Variants in NTN1 observed in about 807,000 individuals in gnomAD.
NTN1 encodes the protein netrin-1.
In NTN1, 11 loss-of-function variants were observed where a neutral mutation model predicts 54.2. That is an observed-to-expected ratio of 0.20 (90% CI 0.13 to 0.34). The LOEUF (loss-of-function observed/expected upper bound fraction) is 0.34. NTN1 is among the 10% of genes least tolerant of loss of function. The pLI is 1.00. For synonymous variants in NTN1, 371 were observed against 382.0 expected (o/e 0.97, Z 0.33); for missense variants, 740 against 893.1 (o/e 0.83, Z 2.18).
At chr17:9,109,981 T>C (rs2092184545) in intron 2 of NTN1, among the ~76,000 whole-genome samples, 1 of 152,222 alleles carries the variant, frequency 6.6e-6, no homozygotes. Flanking sequence ...TCTTATTTAT[T>C]TGTTGGAGTT....
rs140773539 is a variant in NTN1 at position 9,102,511 on chromosome 17, G to A, written c.1019-60302G>A. ...ATCCCCATAACACATGGGGATTATG[G>A]GAACGACAATTCAAGATGAGATTTG... On this transcript the variant is annotated intron_variant, in intron 2 of 6. Coordinates refer to ENST00000173229, the MANE Select transcript of NTN1 (RefSeq NM_004822.3). Among the ~76,000 whole-genome samples, 809 of 152,240 alleles carry A rather than the reference G, an allele frequency of 5.3e-3. 2 individuals are homozygous for A. Among genetic ancestry groups the A allele is most frequent in the Middle Eastern group, 0.01 (3 of 294 alleles).
chr17:9,037,138 A>T (rs1439864414), intron 2 of NTN1, among the ~76,000 whole-genome samples: 1 of 152,222 alleles, frequency 6.6e-6, no homozygotes, highest in African/African-American at 2.4e-5. Flanking sequence ...CCCCAGGGTA[A>T]CCACCATTTT....
intron 4 of NTN1, 101 bp from the exon 5 acceptor site, chr17:9,182,815 G>A (rs937156602): frequency 4.1e-5 from 49 of 1,183,376 alleles, no homozygotes; most frequent in Non-Finnish European, 5.9e-5. Flanking sequence ...GTCCCAGGAA[G>A]TTGGGAGGAG....
the NTN1 span, among the ~76,000 whole-genome samples, chr17:9,015,950 T>C: frequency 6.6e-6 from 1 of 151,840 alleles, no homozygotes; most frequent in Non-Finnish European, 1.5e-5. Flanking sequence ...GGTGGGCGCC[T>C]GTAATCCCAG....
intron 2 of NTN1, among the ~76,000 whole-genome samples, chr17:9,032,987 T>C (rs150719094): frequency 7.0e-6 from 1 of 142,578 alleles, no homozygotes; most frequent in Non-Finnish European, 1.5e-5. Context: ...AGAATCTCAC[T>C]CTGTCATCGA....
intron 2 of NTN1, among the ~76,000 whole-genome samples, chr17:9,063,944 A>C (rs528425343): frequency 1.3e-5 from 2 of 152,078 alleles, no homozygotes; most frequent in Admixed American, 6.6e-5. Flanking sequence ...GCTTTTCCTT[A>C]CTGGGTTTTC....
chr17:9,015,609 A>C, the NTN1 span, among the ~76,000 whole-genome samples: 1 of 151,378 alleles, frequency 6.6e-6, no homozygotes, highest in Non-Finnish European at 1.5e-5. Context: ...CGTCCTCCTC[A>C]CTGATTGCTC....
At chr17:9,167,071 C>T (rs1383340634) in intron 3 of NTN1, among the ~76,000 whole-genome samples, 2 of 152,182 alleles carry the variant, frequency 1.3e-5, no homozygotes, top group Non-Finnish European at 2.9e-5. Flanking sequence ...GTACAAAGGA[C>T]TGTAATAAAC....
At chr17:9,213,577 CTG>C (rs1426670527) in intron 5 of NTN1, among the ~76,000 whole-genome samples, 1 of 152,168 alleles carries the variant, frequency 6.6e-6, no homozygotes, top group African/African-American at 2.4e-5. Flanking sequence ...CCCATATAGT[CTG>C]TGTGTATATA....
chr17:9,116,329 G>A (rs933582400), intron 2 of NTN1, among the ~76,000 whole-genome samples: 1 of 124,166 alleles, frequency 8.1e-6, no homozygotes, highest in African/African-American at 3.0e-5. Flanking sequence ...CCAGCTTGCT[G>A]TGTGGCCTTC....
At chr17:9,112,957 G>A (rs1041001217) in intron 2 of NTN1, among the ~76,000 whole-genome samples, 3 of 152,018 alleles carry the variant, frequency 2.0e-5, no homozygotes, top group Non-Finnish European at 4.4e-5. Context: ...CAGGTAAGAA[G>A]TTGTATTGCT....
At chr17:9,214,994 T>C (rs183375769) in intron 5 of NTN1, among the ~76,000 whole-genome samples, 5 of 152,300 alleles carry the variant, frequency 3.3e-5, no homozygotes, top group Non-Finnish European at 7.3e-5. Context: ...ATTTTTTCTG[T>C]TTTATCTTTT....
chr17:9,129,471 G>T (rs1258198162), intron 2 of NTN1, among the ~76,000 whole-genome samples: 1 of 152,166 alleles, frequency 6.6e-6, no homozygotes, highest in Non-Finnish European at 1.5e-5. Flanking sequence ...TCTTGGGGAG[G>T]AGATGGTCCT....
At chr17:9,109,124 C>G (rs1464380771) in intron 2 of NTN1, among the ~76,000 whole-genome samples, 1 of 152,186 alleles carries the variant, frequency 6.6e-6, no homozygotes, top group Non-Finnish European at 1.5e-5. Flanking sequence ...ATCCTCCCAA[C>G]TTGGCCTCCC....
At chr17:9,080,810 G>A (rs1261278615) in intron 2 of NTN1, among the ~76,000 whole-genome samples, 1 of 152,244 alleles carries the variant, frequency 6.6e-6, no homozygotes, top group Non-Finnish European at 1.5e-5. Context: ...CAGAAGGACA[G>A]CGTTTGGAGA....
chr17:9,189,007 A>G lies in NTN1; in HGVS notation c.1411+6038A>G, dbSNP rs574821623. 1.2e-4 allele frequency among the ~76,000 whole-genome samples: 19 copies of G among 152,340 alleles called. No homozygotes were observed. The East Asian group carries it at 3.3e-3, about 26-fold the overall frequency. ...TGACCAGTGAAGTCATTAACACACC[A>G]TCAGATTACTGTTATCCCGAGAGAA... On this transcript the variant is annotated intron_variant, in intron 5 of 6. Coordinates refer to ENST00000173229, the MANE Select transcript of NTN1 (RefSeq NM_004822.3).
In NTN1 at chr17:9,078,639, C is replaced by G. The variant is rs1334315769; in HGVS notation, c.1018+55248C>G. Among the ~76,000 whole-genome samples the G allele has an allele frequency of 2.6e-5, 4 of 152,184 alleles. No individual in the cohort carries two copies. The East Asian group carries it at 7.7e-4, about 29-fold the overall frequency. On this transcript the variant is annotated intron_variant, in intron 2 of 6. Coordinates refer to ENST00000173229, the MANE Select transcript of NTN1 (RefSeq NM_004822.3). ...CAGTGTCTTTTCTAGAAGGAGTCAA[C>G]CAGGGTACCTGGGCCTAACCTCTGG...
At position 9,135,067 on chromosome 17, in the gene NTN1, C is replaced by T. The variant is rs1002422803; in HGVS notation, c.1019-27746C>T. ...CAGACCAAATTCTCCGAGTGCTGTA[C>T]CTGGACACGGGTGTCCCCATCCACA... On this transcript the variant is annotated intron_variant, in intron 2 of 6. Coordinates refer to ENST00000173229, the MANE Select transcript of NTN1 (RefSeq NM_004822.3). This position sits in a 1 kb window ranked among gnomAD's most constrained non-coding sequence, Gnocchi z 4.4. 1.3e-5 allele frequency among the ~76,000 whole-genome samples: 2 copies of T among 152,144 alleles called. No homozygotes were observed. The highest frequency in any genetic ancestry group is 2.9e-5 in the Non-Finnish European group (2 of 68,024).
intron 2 of NTN1, among the ~76,000 whole-genome samples, chr17:9,121,382 C>T (rs1160956744): frequency 2.0e-5 from 3 of 152,106 alleles, no homozygotes; most frequent in Admixed American, 2.0e-4. Flanking sequence ...AATTGCACCT[C>T]ATCCTATTTT....
Sources: allele counts gnomAD v4.1 joint callset (sites outside exome capture counted in the v4.1 genomes callset), GRCh38; gene constraint gnomAD v4.1.1; non-coding constraint Gnocchi (gnomAD v3.1); transcripts MANE v1.5; gene names NCBI Gene and HGNC (gene_info 2026-07-23, HGNC 2026-07-21).